TPST1: variants seen among roughly 807,000 people sequenced by gnomAD.
The protein encoded by TPST1 is tyrosylprotein sulfotransferase 1, also known as protein-tyrosine sulfotransferase 1.
TPST1 carries 20 observed loss-of-function variants against 34.8 expected under a neutral mutation model. That is an observed-to-expected ratio of 0.57 (90% CI 0.40 to 0.84). TPST1 has a LOEUF of 0.84. TPST1 is among the 40% of genes least tolerant of loss of function. TPST1 has a pLI of 0.00. For synonymous variants in TPST1, 152 were observed against 159.4 expected, an observed-to-expected ratio of 0.95 and a Z score of 0.35; for missense variants, 353 against 455.5, an observed-to-expected ratio of 0.78 and a Z score of 2.05.
At chr7:66,303,061 G>A (rs142883304) in intron 3 of TPST1, among the ~76,000 whole-genome samples, 39 of 152,162 alleles carry the variant, frequency 2.6e-4, no homozygotes, top group African/African-American at 8.0e-4. Context: ...CAACTCACAT[G>A]ACACCTCTTC....
intron 2 of TPST1, among the ~76,000 whole-genome samples, chr7:66,273,721 G>A (rs1318173674): frequency 1.3e-5 from 2 of 151,994 alleles, no homozygotes; most frequent in African/African-American, 4.8e-5. Context: ...ATCCACATGA[G>A]AAGAATGAAG....
At chr7:66,322,946 ATAG>A (rs1791787464) in intron 3 of TPST1, among the ~76,000 whole-genome samples, 1 of 151,982 alleles carries the variant, frequency 6.6e-6, no homozygotes, top group African/African-American at 2.4e-5. Flanking sequence ...ATTTTTTTAA[ATAG>A]TAGCCATTCT....
chr7:66,201,862 G>GA (rs370370393), upstream of TPST1, among the ~76,000 whole-genome samples: 107,221 of 131,478 alleles, frequency 0.82, 42,861 homozygotes, highest in Non-Finnish European at 0.85. Flanking sequence ...ATTAAAATAA[G>GA]AAAAAAAAAA....
At chr7:66,212,818 T>C (rs936925729) in intron 1 of TPST1, among the ~76,000 whole-genome samples, 1 of 152,082 alleles carries the variant, frequency 6.6e-6, no homozygotes, top group Non-Finnish European at 1.5e-5. Context: ...TTTTGTTCTT[T>C]GTTTTTTCTT....
intron 3 of TPST1, among the ~76,000 whole-genome samples, chr7:66,303,468 G>C (rs1028375238): frequency 2.0e-5 from 3 of 151,000 alleles, no homozygotes; most frequent in African/African-American, 7.3e-5. Context: ...GGAGTTCAGT[G>C]GTGCGATCTC....
At chr7:66,341,640 A>G (rs964548411) in intron 3 of TPST1, among the ~76,000 whole-genome samples, 9 of 152,228 alleles carry the variant, frequency 5.9e-5, no homozygotes, top group Non-Finnish European at 8.8e-5. Context: ...AAGCACACCC[A>G]TAATTATACT....
At chr7:66,248,435 A>G (rs1178060779) in intron 2 of TPST1, among the ~76,000 whole-genome samples, 1 of 152,062 alleles carries the variant, frequency 6.6e-6, no homozygotes, top group Non-Finnish European at 1.5e-5. Context: ...CATTGATTGT[A>G]ATGTGTAAAA....
intron 1 of TPST1, among the ~76,000 whole-genome samples, chr7:66,238,731 G>C (rs1386956763): frequency 6.6e-6 from 1 of 152,182 alleles, no homozygotes; most frequent in Non-Finnish European, 1.5e-5. Flanking sequence ...CTAGATTGGT[G>C]TTTGATCAAA....
intron 1 of TPST1, among the ~76,000 whole-genome samples, chr7:66,218,846 CA>C (rs201145256): frequency 0.026 from 3,349 of 128,134 alleles, 70 homozygotes; most frequent in East Asian, 0.1. Context: ...GACTCCATCT[CA>C]AAAAAAAAAA....
intron 3 of TPST1, among the ~76,000 whole-genome samples, chr7:66,341,681 T>C (rs977385080): frequency 5.9e-5 from 9 of 152,158 alleles, no homozygotes; most frequent in Non-Finnish European, 1.0e-4. Flanking sequence ...CCATTTAACT[T>C]TGTAGTGCTT....
intron 2 of TPST1, among the ~76,000 whole-genome samples, chr7:66,281,721 G>A (rs1790935506): frequency 1.3e-5 from 2 of 152,068 alleles, no homozygotes; most frequent in South Asian, 4.1e-4. Flanking sequence ...TTGCATATCT[G>A]TTCCATCCCC....
chr7:66,358,733 A>G (rs1356510087), intron 5 of TPST1, among the ~76,000 whole-genome samples: 1 of 152,238 alleles, frequency 6.6e-6, no homozygotes, highest in Non-Finnish European at 1.5e-5. Context: ...GTGGGTCTGC[A>G]TATTTAACAG....
intron 1 of TPST1, among the ~76,000 whole-genome samples, chr7:66,222,224 A>T (rs1011454685): frequency 1.3e-5 from 2 of 152,120 alleles, no homozygotes; most frequent in Non-Finnish European, 2.9e-5. Flanking sequence ...ATTAAAAAAT[A>T]CAAAAAAAGA....
chr7:66,341,256 C>CCCA (rs1792231208), intron 3 of TPST1, among the ~76,000 whole-genome samples: 1 of 152,156 alleles, frequency 6.6e-6, no homozygotes, highest in African/African-American at 2.4e-5. Flanking sequence ...ACATTTTATA[C>CCCA]ACACATAGGT....
intron 3 of TPST1, among the ~76,000 whole-genome samples, chr7:66,315,629 G>A (rs1255052625): frequency 6.6e-6 from 1 of 152,194 alleles, no homozygotes; most frequent in Non-Finnish European, 1.5e-5. Context: ...TGATGCGCAA[G>A]AACTGAATGG....
At chr7:66,297,501 C>G (rs1791225744) in intron 3 of TPST1, among the ~76,000 whole-genome samples, 1 of 152,156 alleles carries the variant, frequency 6.6e-6, no homozygotes, top group South Asian at 2.1e-4. Context: ...GCACATGGCT[C>G]AAACCCCAAA....
intron 2 of TPST1, among the ~76,000 whole-genome samples, chr7:66,266,174 T>G (rs1286803154): frequency 6.6e-6 from 1 of 152,198 alleles, no homozygotes. Context: ...AACCATATTT[T>G]TCTCTCCTCT....
chr7:66,329,698 C>T (rs1791958406), intron 3 of TPST1, among the ~76,000 whole-genome samples: 1 of 152,100 alleles, frequency 6.6e-6, no homozygotes, highest in South Asian at 2.1e-4. Flanking sequence ...ATGATGGCTC[C>T]ATAAAGATGT....
intron 2 of TPST1, among the ~76,000 whole-genome samples, chr7:66,263,391 G>A (rs533616470): frequency 6.6e-6 from 1 of 152,244 alleles, no homozygotes; most frequent in South Asian, 2.1e-4. Context: ...TTCTGCAGTG[G>A]TAACTCTTTC....
Sources: gnomAD v4.1 joint callset for allele counts (sites outside exome capture counted in the v4.1 genomes callset) on GRCh38, gnomAD v4.1.1 for gene constraint, MANE v1.5 for transcripts, NCBI Gene and HGNC (gene_info 2026-07-23, HGNC 2026-07-21) for gene names.